KCNQ1: variants seen among roughly 807,000 people sequenced by gnomAD.
KCNQ1 encodes potassium voltage-gated channel subfamily Q member 1, also known as potassium voltage-gated channel subfamily KQT member 1.
Under a neutral mutation model 72.4 loss-of-function variants are expected in KCNQ1, and 49 were observed. The observed-to-expected ratio is 0.68, with a 90% CI of 0.54 to 0.86. KCNQ1 has a LOEUF of 0.86. Ranked by LOEUF, KCNQ1 falls within the 40% of genes least tolerant of loss-of-function variation. The probability of loss-of-function intolerance (pLI) is 0.00; values close to 1 mark genes in which losing one functional copy is unlikely to be tolerated. For missense variants in KCNQ1, 790 were observed against 945.1 expected (o/e 0.84, Z 2.15); for synonymous variants, 450 against 412.6 (o/e 1.09, Z -1.10).
At position 2,827,723 on chromosome 11, in the gene KCNQ1, C is replaced by G. The variant is rs1436801925; in HGVS notation, c.1795-20044C>G. Reference sequence around the variant, plus strand: ...TTCCACATGTGGCTTGGAGGCCAGACCAGAAGGACTCAGATAGGAGTTGGG... The same window carrying G: ...TTCCACATGTGGCTTGGAGGCCAGAGCAGAAGGACTCAGATAGGAGTTGGG... On this transcript the variant is annotated intron_variant, in intron 15 of 15. Transcript: ENST00000155840. This position sits in a 1 kb window ranked among gnomAD's most constrained non-coding sequence, Gnocchi z 6.7. Among the ~76,000 whole-genome samples, 2 of 151,958 alleles carry G rather than the reference C, an allele frequency of 1.3e-5. No homozygotes were observed. Among genetic ancestry groups the G allele is most frequent in the African/African-American group, 4.8e-5 (2 of 41,346 alleles).
chr11:2,472,620 C>A (rs983258534), intron 1 of KCNQ1, among the ~76,000 whole-genome samples: 2 of 150,798 alleles, frequency 1.3e-5, no homozygotes, highest in Middle Eastern at 3.4e-3. Context: ...GGGTGTCATG[C>A]GGGGCTTTCT....
chr11:2,466,126 G>T (rs1277729198), intron 1 of KCNQ1, among the ~76,000 whole-genome samples: 1 of 152,234 alleles, frequency 6.6e-6, no homozygotes, highest in Admixed American at 6.5e-5. Context: ...TTTTCCTGAG[G>T]CTTTGCCTAG....
At chr11:2,738,494 G>A (rs1453256364) in intron 11 of KCNQ1, among the ~76,000 whole-genome samples, 2 of 152,182 alleles carry the variant, frequency 1.3e-5, no homozygotes, top group East Asian at 1.9e-4. Flanking sequence ...CCTCTGCTGG[G>A]GGCAGAGACC....
rs888232229 is a variant in KCNQ1 at position 2,673,222 on chromosome 11, C to A, written c.1514+11141C>A. On this transcript the variant is annotated intron_variant, in intron 11 of 15. Transcript: ENST00000155840. This position sits in a 1 kb window ranked among gnomAD's most constrained non-coding sequence, Gnocchi z 4.5. ...CGAACTGTGACTAGGCAAGCTGAGT[C>A]CCCTGTAGATTCTGGGGACTGGGTG... 2 of 398,442 alleles carry A rather than the reference C, an allele frequency of 5.0e-6. No homozygotes were observed. Among genetic ancestry groups the A allele is most frequent in the African/African-American group, 2.1e-5 (1 of 48,470 alleles). 24.7% of individuals were successfully genotyped at this position (398,442 alleles called of 1,614,324 possible).
chr11:2,776,416 C>T (rs551008710), intron 13 of KCNQ1, among the ~76,000 whole-genome samples: 2 of 152,292 alleles, frequency 1.3e-5, no homozygotes, highest in Admixed American at 1.3e-4. Context: ...GCCCACCCGC[C>T]TTCCCTGTCA....
rs1181612550 is a variant in KCNQ1, at chr11:2,543,255, C to G, written c.477+15237C>G. On this transcript the variant is annotated intron_variant, in intron 2 of 15. Coordinates refer to ENST00000155840, the MANE Select transcript of KCNQ1 (RefSeq NM_000218.3). This position sits in a 1 kb window ranked among gnomAD's most constrained non-coding sequence, Gnocchi z 5.6. Reference sequence around the variant, plus strand: ...CATGTATTCTCTAGTCGGTGGCTTTCCTTTTCATTTATTTAGTAGTATCTT... The same window carrying G: ...CATGTATTCTCTAGTCGGTGGCTTTGCTTTTCATTTATTTAGTAGTATCTT... Among the ~76,000 whole-genome samples the G allele has an allele frequency of 6.6e-6, 1 of 152,084 alleles. No homozygotes were observed. Among genetic ancestry groups the G allele is most frequent in the Non-Finnish European group, 1.5e-5 (1 of 68,020 alleles).
At chr11:2,726,470 A>C (rs1845765971) in intron 11 of KCNQ1, among the ~76,000 whole-genome samples, 1 of 151,738 alleles carries the variant, frequency 6.6e-6, no homozygotes, top group South Asian at 2.1e-4. Flanking sequence ...GAGTGGGGAA[A>C]CTGAGGCCCC....
At chr11:2,597,210 G>A (rs1453686466) in intron 10 of KCNQ1, among the ~76,000 whole-genome samples, 4 of 152,128 alleles carry the variant, frequency 2.6e-5, no homozygotes, top group Non-Finnish European at 5.9e-5. Context: ...TGTGTACATG[G>A]AAACTCTCAG....
At position 2,656,154 on chromosome 11, in the gene KCNQ1, G is replaced by C. The variant is rs902442565; in HGVS notation, c.1394-5807G>C. On this transcript the variant is annotated intron_variant, in intron 10 of 15. Coordinates refer to ENST00000155840, the MANE Select transcript of KCNQ1 (RefSeq NM_000218.3). The stretch of plus-strand genomic sequence containing the variant: ...ATCGTTCCTTCTACATACAAGTGAT[G>C]CAAACATCAAAATATGTTTTTTCTT... 22 of 398,488 alleles carry C rather than the reference G, an allele frequency of 5.5e-5. 1 individual carries two copies. The highest frequency in any genetic ancestry group is 2.7e-5 in the Non-Finnish European group (6 of 226,070). 24.7% of individuals were successfully genotyped at this position (398,488 alleles called of 1,614,324 possible). A position where few individuals can be genotyped will look rare whatever the true frequency, so the allele number is the denominator to read the frequency against.
At chr11:2,716,851 G>A (rs1168544571) in intron 11 of KCNQ1, among the ~76,000 whole-genome samples, 2 of 152,232 alleles carry the variant, frequency 1.3e-5, no homozygotes, top group African/African-American at 4.8e-5. Context: ...GCAGGCAGGA[G>A]CCAGGACCCA....
chr11:2,768,951 G>A lies in KCNQ1; in HGVS notation c.1590+32G>A. On this transcript the variant is annotated intron_variant, in intron 12 of 15. Transcript: ENST00000155840. The surrounding 1 kb of genome is among the most constrained non-coding windows in gnomAD (Gnocchi z 6.7). ...CCTGTGCTGAGCCTTCCTGCCCTCA[G>A]CCTGCCCCTCGCAGCCTGATGCAGC... 1 of 1,567,144 alleles carries A rather than the reference G, an allele frequency of 6.4e-7. No individual in the cohort carries two copies. The highest frequency in any genetic ancestry group is 8.8e-7 in the Non-Finnish European group (1 of 1,137,854).
rs555284984 is a variant in KCNQ1, at chr11:2,562,839, C to T, written c.478-7789C>T. ...CCTTCCACAAAGCTCAGCTCTGATC[C>T]TTCGTATTTAATCTTCATCTTCCGC... On this transcript the variant is annotated intron_variant, in intron 2 of 15. Coordinates refer to ENST00000155840, the MANE Select transcript of KCNQ1 (RefSeq NM_000218.3). This position sits in a 1 kb window ranked among gnomAD's most constrained non-coding sequence, Gnocchi z 7.5. Among the ~76,000 whole-genome samples, 13 of 152,240 alleles carry T rather than the reference C, an allele frequency of 8.5e-5. No homozygotes were observed. Among genetic ancestry groups the T allele is most frequent in the African/African-American group, 3.1e-4 (13 of 41,546 alleles).
At chr11:2,804,415 G>A (rs1324158084) in intron 15 of KCNQ1, among the ~76,000 whole-genome samples, 1 of 152,176 alleles carries the variant, frequency 6.6e-6, no homozygotes, top group Non-Finnish European at 1.5e-5. Context: ...CTAGAACCCC[G>A]CCGCCCTGGG....
rs1208923770 is a variant in KCNQ1, at chr11:2,824,800, T to C, written c.1795-22967T>C. Among the ~76,000 whole-genome samples the C allele has an allele frequency of 6.6e-6, 1 of 152,112 alleles. No individual in the cohort carries two copies. Among genetic ancestry groups the C allele is most frequent in the Non-Finnish European group, 1.5e-5 (1 of 68,018 alleles). On this transcript the variant is annotated intron_variant, in intron 15 of 15. Transcript: ENST00000155840. The surrounding 1 kb of genome is among the most constrained non-coding windows in gnomAD (Gnocchi z 5.9). ...CCCTGGGTTCCACACCACAGAGCCA[T>C]AGAATTCTGTACTTGGCCTGTCTCA...
At chr11:2,548,372 G>T (rs984969617) in intron 2 of KCNQ1, among the ~76,000 whole-genome samples, 3 of 152,210 alleles carry the variant, frequency 2.0e-5, no homozygotes, top group African/African-American at 7.2e-5. Context: ...AACATGGGAT[G>T]GGAATATCCA....
intron 11 of KCNQ1, among the ~76,000 whole-genome samples, chr11:2,733,929 C>T (rs754438643): frequency 6.6e-6 from 1 of 150,954 alleles, no homozygotes; most frequent in Non-Finnish European, 1.5e-5. Flanking sequence ...GAAACATGCA[C>T]ACGCTCTCCT....
chr11:2,537,185 CTG>C lies in KCNQ1; in HGVS notation c.477+9175_477+9176del, dbSNP rs1489473102. 2.0e-5 allele frequency among the ~76,000 whole-genome samples: 3 copies of C among 151,956 alleles called. No individual in the cohort carries two copies. The highest frequency in any genetic ancestry group is 7.3e-5 in the African/African-American group (3 of 41,244). ...AAACCATGGCCCACAGGGTGGCTCC[CTG>C]TGTGTGTAAATAAAGCTTTATTAGC... is the stretch of plus-strand genomic sequence containing the variant. On this transcript the variant is annotated intron_variant, in intron 2 of 15. Coordinates refer to ENST00000155840, the MANE Select transcript of KCNQ1 (RefSeq NM_000218.3). The surrounding 1 kb of genome is among the most constrained non-coding windows in gnomAD (Gnocchi z 5.2).
At chr11:2,718,442 G>A (rs1246635351) in intron 11 of KCNQ1, among the ~76,000 whole-genome samples, 1 of 152,212 alleles carries the variant, frequency 6.6e-6, no homozygotes, top group African/African-American at 2.4e-5. Context: ...TAGCCTCATG[G>A]GGCACAGCTC....
intron 1 of KCNQ1, among the ~76,000 whole-genome samples, chr11:2,511,490 T>C (rs1847203074): frequency 6.6e-6 from 1 of 151,790 alleles, no homozygotes. Context: ...GGCCTGGGAG[T>C]CCACCCTCCA....
Sources: gnomAD v4.1 joint callset for allele counts (sites outside exome capture counted in the v4.1 genomes callset) on GRCh38, gnomAD v4.1.1 for gene constraint, Gnocchi (gnomAD v3.1) non-coding constraint, MANE v1.5 for transcripts, NCBI Gene and HGNC (gene_info 2026-07-23, HGNC 2026-07-21) for gene names.